BPI: variants seen among roughly 807,000 people sequenced by gnomAD.
BPI encodes bactericidal permeability-increasing protein.
A neutral mutation model predicts 57.6 loss-of-function variants in BPI; 48 were observed. The observed-to-expected ratio is 0.83, with a 90% CI of 0.66 to 1.06. The LOEUF (loss-of-function observed/expected upper bound fraction) is 1.06. Ranked by LOEUF, BPI falls within the 50% of genes least tolerant of loss-of-function variation. BPI has a pLI of 0.00. For missense variants in BPI, 651 were observed against 609.7 expected, an observed-to-expected ratio of 1.07 and a Z score of -0.71; for synonymous variants, 237 against 238.2, an observed-to-expected ratio of 0.99 and a Z score of 0.05.
chr20:38,334,348 A>T, intron 12 of BPI, 82 bp from the exon 13 acceptor site: 1 of 1,327,652 alleles, frequency 7.5e-7, no homozygotes, highest in Non-Finnish European at 1.1e-6. Flanking sequence ...GGAGGGTGAC[A>T]GAGGTGGGGT....
At chr20:38,336,488 G>A (rs976518539) in intron 14 of BPI, among the ~76,000 whole-genome samples, 19 of 151,770 alleles carry the variant, frequency 1.3e-4, no homozygotes, top group Non-Finnish European at 2.5e-4. Flanking sequence ...TGTCACCTCC[G>A]CAGCGAAACC....
chr20:38,331,443 C>T (rs1269383777), intron 12 of BPI, among the ~76,000 whole-genome samples: 3 of 152,170 alleles, frequency 2.0e-5, no homozygotes, highest in Admixed American at 1.3e-4. Context: ...CTTTATTGAG[C>T]ACCTATTATG....
chr20:38,327,780 A>G, intron 11 of BPI, 125 bp downstream of exon 11: 1 of 1,157,976 alleles, frequency 8.6e-7, no homozygotes, highest in Non-Finnish European at 1.2e-6. Context: ...TCACATTAAA[A>G]CCTCAAAGAG....
intron 9 of BPI, among the ~76,000 whole-genome samples, chr20:38,325,846 G>GAGAAAGGGGA (rs1449531536): frequency 6.6e-6 from 1 of 152,124 alleles, no homozygotes; most frequent in African/African-American, 2.4e-5. Context: ...CAGAGACTAA[G>GAGAAAGGGGA]AGAAAGGGGA....
At chr20:38,324,737 G>A (rs778761473) in intron 8 of BPI, 37 bp from the exon 9 acceptor site, 2 of 1,555,544 alleles carry the variant, frequency 1.3e-6, no homozygotes, top group East Asian at 2.2e-5. Context: ...GTCTGTAACA[G>A]CATCCTCCGA....
rs921249831 is a variant in BPI, at chr20:38,337,304, T to C, written c.*120T>C. ...TAACCAAGAGCCCCTTGCAAACTTC[T>C]TCGACTCAGATTCAGAAATGATCTA... is the stretch of plus-strand genomic sequence containing the variant. On this transcript the variant is annotated 3_prime_UTR_variant, in exon 15 of 15. Coordinates refer to ENST00000642449, the MANE Select transcript of BPI (RefSeq NM_001725.3). 3.7e-6 allele frequency: 3 copies of C among 801,606 alleles called. No homozygotes were observed. Among genetic ancestry groups the C allele is most frequent in the Non-Finnish European group, 5.9e-6 (3 of 506,432 alleles). 49.7% of individuals were successfully genotyped at this position (801,606 alleles called of 1,614,324 possible). A position where few individuals can be genotyped will look rare whatever the true frequency, so the allele number is the denominator to read the frequency against.
intron 12 of BPI, among the ~76,000 whole-genome samples, chr20:38,333,288 C>G (rs1428907552): frequency 6.6e-6 from 1 of 152,024 alleles, no homozygotes; most frequent in East Asian, 1.9e-4. Flanking sequence ...AAGGAGGGCA[C>G]TGCATTTGGT....
At chr20:38,319,967 T>A in intron 6 of BPI, 2 of 572,118 alleles carry the variant, frequency 3.5e-6, no homozygotes, top group Non-Finnish European at 6.2e-6. Context: ...ATCTCAGGGC[T>A]GTTGGAAGAA....
At chr20:38,330,816 C>A (rs1179875569) in intron 11 of BPI, among the ~76,000 whole-genome samples, 2 of 152,208 alleles carry the variant, frequency 1.3e-5, no homozygotes, top group African/African-American at 4.8e-5. Flanking sequence ...GGACTATGCC[C>A]TTTGGTCAGC....
At chr20:38,318,097 G>C (rs1324393000) in intron 5 of BPI, 1 of 932,042 alleles carries the variant, frequency 1.1e-6, no homozygotes, top group Non-Finnish European at 1.3e-6. Flanking sequence ...AGAAACAAAA[G>C]AAAAAACAAA....
intron 5 of BPI, chr20:38,318,154 A>T: frequency 6.6e-6 from 5 of 762,512 alleles, no homozygotes; most frequent in Non-Finnish European, 8.0e-6. Flanking sequence ...TAGAAAACAT[A>T]AACCCTCATC....
At chr20:38,329,005 C>CTAAATAAATAGA (rs142025830) in intron 11 of BPI, among the ~76,000 whole-genome samples, 8,527 of 134,872 alleles carry the variant, frequency 0.063, 756 homozygotes, top group East Asian at 0.45. Flanking sequence ...GACCCTGTCT[C>CTAAATAAATAGA]TAAATAAATA....
intron 14 of BPI, among the ~76,000 whole-genome samples, chr20:38,336,901 C>T (rs933829824): frequency 1.3e-5 from 2 of 152,166 alleles, no homozygotes; most frequent in African/African-American, 4.8e-5. Context: ...TCTAAAACAG[C>T]CCGGGGGGTC....
chr20:38,335,000 G>A (rs929114113), intron 13 of BPI, among the ~76,000 whole-genome samples: 3 of 152,112 alleles, frequency 2.0e-5, no homozygotes, highest in Admixed American at 6.5e-5. Flanking sequence ...AGTACTAATA[G>A]AGGCCCATAT....
chr20:38,320,364 T>C lies in BPI; in HGVS notation c.756+90T>C, dbSNP rs922666282. 3.5e-6 allele frequency: 4 copies of C among 1,154,240 alleles called. No homozygotes were observed. In the Admixed American group the frequency reaches 6.2e-5, roughly 18 times the overall value. 71.5% of individuals were successfully genotyped at this position (1,154,240 alleles called of 1,614,324 possible). Reference sequence around the variant, plus strand: ...GTCCTTGGAAACAAACTTAACAATGTCCCCTACTTCCTATCTGACTCACCA... The same window carrying C: ...GTCCTTGGAAACAAACTTAACAATGCCCCCTACTTCCTATCTGACTCACCA... On this transcript the variant is annotated intron_variant, in intron 7 of 14. Transcript: ENST00000642449.
chr20:38,310,045 A>T (rs1201507978), intron 3 of BPI, among the ~76,000 whole-genome samples: 2 of 152,230 alleles, frequency 1.3e-5, no homozygotes, highest in East Asian at 3.8e-4. Flanking sequence ...AACCCATTTC[A>T]TCCCTGAAGG....
At chr20:38,323,794 A>C in intron 7 of BPI, 76 bp from the exon 8 acceptor site, 3 of 1,517,730 alleles carry the variant, frequency 2.0e-6, no homozygotes, top group Non-Finnish European at 8.9e-7. Context: ...TCTTCAGTCC[A>C]TTTTTTCCTG....
intron 1 of BPI, among the ~76,000 whole-genome samples, chr20:38,305,532 G>C (rs772612270): frequency 4.5e-4 from 69 of 152,158 alleles, no homozygotes; most frequent in Non-Finnish European, 4.4e-4. Flanking sequence ...TTCGAGGCCT[G>C]GCCCCTGTCA....
intron 8 of BPI, among the ~76,000 whole-genome samples, chr20:38,324,261 T>C (rs2076701248): frequency 6.6e-6 from 1 of 152,216 alleles, no homozygotes; most frequent in African/African-American, 2.4e-5. Flanking sequence ...TTTTGTCATC[T>C]GTAAAACACC....
Sources: allele counts gnomAD v4.1 joint callset (sites outside exome capture counted in the v4.1 genomes callset), GRCh38; gene constraint gnomAD v4.1.1; transcripts MANE v1.5; gene names NCBI Gene and HGNC (gene_info 2026-07-23, HGNC 2026-07-21).